The following NRXN3 variants were observed in gnomAD, a reference collection of about 807,000 sequenced individuals.
The protein encoded by NRXN3 is neurexin 3.
Under a neutral mutation model 137.6 loss-of-function variants are expected in NRXN3, and 32 were observed. The ratio of observed to expected loss-of-function variants is 0.23; its 90% CI spans 0.18 to 0.31. The LOEUF (loss-of-function observed/expected upper bound fraction) is 0.31. Ranked by LOEUF, NRXN3 falls within the 10% of genes least tolerant of loss-of-function variation. NRXN3 has a pLI of 1.00. For missense variants in NRXN3, 1,574 were observed against 2,062.5 expected, an observed-to-expected ratio of 0.76 and a Z score of 4.59; for synonymous variants, 798 against 784.5, an observed-to-expected ratio of 1.02 and a Z score of -0.29.
At chr14:79,852,992 T>A (rs1188790213) in intron 20 of NRXN3, among the ~76,000 whole-genome samples, 2 of 152,102 alleles carry the variant, frequency 1.3e-5, no homozygotes, top group African/African-American at 4.8e-5. Flanking sequence ...CACTCCCTCT[T>A]TAAATGTGGA....
intron 10 of NRXN3, among the ~76,000 whole-genome samples, chr14:78,860,467 T>C (rs1256958527): frequency 6.6e-6 from 1 of 152,118 alleles, no homozygotes; most frequent in Non-Finnish European, 1.5e-5. Flanking sequence ...CAAGGAGACA[T>C]TTTTCTAATC....
At chr14:78,170,882 T>G (rs1294558947) in intron 1 of NRXN3, among the ~76,000 whole-genome samples, 1 of 152,104 alleles carries the variant, frequency 6.6e-6, no homozygotes, top group African/African-American at 2.4e-5. Flanking sequence ...CAGTTTCTCC[T>G]GGAAGTTGGG....
chr14:79,356,241 G>A (rs559766345), intron 15 of NRXN3, among the ~76,000 whole-genome samples: 14 of 152,178 alleles, frequency 9.2e-5, no homozygotes, highest in South Asian at 2.1e-4. Flanking sequence ...GAAAAAGGTC[G>A]CCTTAACACT....
intron 6 of NRXN3, among the ~76,000 whole-genome samples, chr14:78,660,147 C>T (rs931187056): frequency 5.3e-5 from 8 of 151,766 alleles, no homozygotes; most frequent in Non-Finnish European, 1.0e-4. Flanking sequence ...TTTGGTGTTT[C>T]GGTGCTGTGA....
rs933960999 is a variant in NRXN3 at position 78,242,752 on chromosome 14, G to A, written c.-342G>A. ...TTCTCCTCCTTGAGTCAAGGCCTCC[G>A]GATCCACATGGATAGCTGAGATCTT... On this transcript the variant is annotated 5_prime_UTR_variant, in exon 2 of 21. Transcript: ENST00000335750. The A allele has an allele frequency of 3.5e-5, 9 of 258,670 alleles. No individual in the cohort carries two copies. Among genetic ancestry groups the A allele is most frequent in the South Asian group, 1.2e-4 (1 of 8,674 alleles). The allele number at this position is 258,670 out of a possible 1,614,324, so 16.0% of individuals were successfully genotyped here.
At chr14:79,454,007 G>C (rs2096219209) in intron 15 of NRXN3, among the ~76,000 whole-genome samples, 1 of 151,912 alleles carries the variant, frequency 6.6e-6, no homozygotes, top group Non-Finnish European at 1.5e-5. Context: ...TTCTCAAACT[G>C]TGCATTTTCC....
At chr14:79,779,876 A>G (rs1410382118) in intron 19 of NRXN3, among the ~76,000 whole-genome samples, 1 of 151,902 alleles carries the variant, frequency 6.6e-6, no homozygotes, top group Non-Finnish European at 1.5e-5. Context: ...ATTTTATTTT[A>G]TTTTTTGAGA....
At chr14:78,679,805 G>A (rs1294301602) in intron 6 of NRXN3, among the ~76,000 whole-genome samples, 1 of 152,104 alleles carries the variant, frequency 6.6e-6, no homozygotes, top group Admixed American at 6.6e-5. Context: ...CCATATGTCA[G>A]GCACTGTGCT....
chr14:79,806,431 A>G (rs1336019816), intron 20 of NRXN3, among the ~76,000 whole-genome samples: 1 of 152,196 alleles, frequency 6.6e-6, no homozygotes, highest in Non-Finnish European at 1.5e-5. Flanking sequence ...GGGACACATC[A>G]TTAATATGAT....
At chr14:79,779,919 C>T (rs2099108658) in intron 19 of NRXN3, among the ~76,000 whole-genome samples, 1 of 152,070 alleles carries the variant, frequency 6.6e-6, no homozygotes, top group Non-Finnish European at 1.5e-5. Flanking sequence ...GGCTGGAGTG[C>T]AGTGGTGCAA....
chr14:79,305,048 T>C (rs971092179), intron 15 of NRXN3, among the ~76,000 whole-genome samples: 4 of 152,090 alleles, frequency 2.6e-5, no homozygotes, highest in Admixed American at 1.3e-4. Context: ...GTGATTGACT[T>C]CTGGCTCTGC....
chr14:79,470,951 AGTGTGTGTGTGTGTGTGTGTGT>A (rs371413883), intron 16 of NRXN3, among the ~76,000 whole-genome samples: 2 of 116,416 alleles, frequency 1.7e-5, no homozygotes, highest in African/African-American at 3.2e-5. Context: ...AGAGAGAGAG[AGTGTGTGTGTGTGTGTGTGTGT>A]GTGTGTGTGT....
At chr14:78,458,837 A>C (rs2094833555) in intron 4 of NRXN3, among the ~76,000 whole-genome samples, 1 of 152,212 alleles carries the variant, frequency 6.6e-6, no homozygotes, top group South Asian at 2.1e-4. Flanking sequence ...AGAGTGATAC[A>C]TTGGAGCCAT....
chr14:79,715,062 T>C (rs1286155308), intron 19 of NRXN3, among the ~76,000 whole-genome samples: 1 of 152,170 alleles, frequency 6.6e-6, no homozygotes, highest in Non-Finnish European at 1.5e-5. Context: ...CACGCCATTC[T>C]CCTGCCTCAG....
chr14:78,281,085 C>A (rs2074343147), intron 3 of NRXN3, among the ~76,000 whole-genome samples: 1 of 152,184 alleles, frequency 6.6e-6, no homozygotes, highest in Non-Finnish European at 1.5e-5. Flanking sequence ...ATCTTGTTGC[C>A]CCACCAACCC....
intron 4 of NRXN3, among the ~76,000 whole-genome samples, chr14:78,525,786 T>C (rs536405793): frequency 2.0e-5 from 3 of 152,302 alleles, no homozygotes; most frequent in Non-Finnish European, 4.4e-5. Context: ...TCTCCTGGTT[T>C]TGCTCCTCCT....
intron 4 of NRXN3, among the ~76,000 whole-genome samples, chr14:78,640,363 C>T (rs1428838830): frequency 1.3e-5 from 2 of 152,130 alleles, no homozygotes; most frequent in African/African-American, 4.8e-5. Flanking sequence ...CAATGGTTCC[C>T]CATAACTTAT....
intron 17 of NRXN3, among the ~76,000 whole-genome samples, chr14:79,670,675 C>T (rs955874976): frequency 7.9e-5 from 12 of 152,046 alleles, no homozygotes; most frequent in African/African-American, 2.9e-4. Context: ...ACAAACTTGA[C>T]CCTAAGAAGC....
At chr14:78,403,971 A>T (rs2092304946) in intron 4 of NRXN3, 2 of 803,624 alleles carry the variant, frequency 2.5e-6, no homozygotes, top group Admixed American at 6.2e-5. Context: ...GATGTATTTT[A>T]TTGGTGCAAA....
Sources: allele counts gnomAD v4.1 joint callset (sites outside exome capture counted in the v4.1 genomes callset), GRCh38; gene constraint gnomAD v4.1.1; transcripts MANE v1.5; gene names NCBI Gene and HGNC (gene_info 2026-07-23, HGNC 2026-07-21).